Variants in RBFOX3 observed in about 807,000 individuals in gnomAD.
The protein encoded by RBFOX3 is RNA binding protein fox-1 homolog 3.
A neutral mutation model predicts 48.7 loss-of-function variants in RBFOX3; 17 were observed. The observed-to-expected ratio is 0.35, with a 90% CI of 0.24 to 0.52. The LOEUF is 0.52. RBFOX3 is among the 20% of genes least tolerant of loss of function. RBFOX3 has a pLI of 0.94. For missense variants in RBFOX3, 382 were observed against 497.5 expected, an observed-to-expected ratio of 0.77 and a Z score of 2.21; for synonymous variants, 212 against 209.5, an observed-to-expected ratio of 1.01 and a Z score of -0.10.
At chr17:79,305,583 G>T (rs2075984732) in intron 3 of RBFOX3, among the ~76,000 whole-genome samples, 1 of 152,058 alleles carries the variant, frequency 6.6e-6, no homozygotes, top group Non-Finnish European at 1.5e-5. Flanking sequence ...CCTGAACAGG[G>T]GAGAAAGACT....
At chr17:79,625,428 A>G in the RBFOX3 span, among the ~76,000 whole-genome samples, 1 of 152,152 alleles carries the variant, frequency 6.6e-6, no homozygotes, top group African/African-American at 2.4e-5. Flanking sequence ...ATTTATCTCC[A>G]GGTTAGGGGT....
At chr17:79,432,678 T>C (rs1241610960) in intron 2 of RBFOX3, among the ~76,000 whole-genome samples, 1 of 152,094 alleles carries the variant, frequency 6.6e-6, no homozygotes, top group Non-Finnish European at 1.5e-5. Context: ...AACGGGTTCA[T>C]TTACTGATGA....
Position 79,479,416 on chromosome 17 carries a change from G to A in RBFOX3, c.-175+3038C>T, listed in dbSNP as rs1175661371. On this transcript the variant is annotated intron_variant, in intron 2 of 14. Transcript: ENST00000693108. The surrounding 1 kb of genome is among the most constrained non-coding windows in gnomAD (Gnocchi z 5.1). ...GACAGGCAGAGATTCAAAGCCACAC[G>A]CAGGCCTCAGACTGCATTGCTCCTT... Among the ~76,000 whole-genome samples, 2 of 152,160 alleles carry A rather than the reference G, an allele frequency of 1.3e-5. No individual in the cohort carries two copies. Among genetic ancestry groups the A allele is most frequent in the Non-Finnish European group, 2.9e-5 (2 of 68,020 alleles).
chr17:79,174,834 C>T (rs2050186477), intron 4 of RBFOX3, among the ~76,000 whole-genome samples: 1 of 152,256 alleles, frequency 6.6e-6, no homozygotes, highest in Admixed American at 6.5e-5. Flanking sequence ...AGACTGAGGC[C>T]TAGGAGTAGG....
At chr17:79,222,893 T>G (rs28715154) in intron 4 of RBFOX3, among the ~76,000 whole-genome samples, 13,606 of 152,202 alleles carry the variant, frequency 0.089, 792 homozygotes, top group African/African-American at 0.13. Flanking sequence ...AAAGAAGCAG[T>G]TTCCTCTGTA....
intron 1 of RBFOX3, among the ~76,000 whole-genome samples, chr17:79,526,349 GT>G (rs1318435481): frequency 6.6e-5 from 10 of 152,240 alleles, no homozygotes; most frequent in Admixed American, 1.3e-4. Flanking sequence ...GGGACCAGGC[GT>G]TGAGCCAAGT....
intron 4 of RBFOX3, among the ~76,000 whole-genome samples, chr17:79,187,388 C>T (rs1295803191): frequency 2.0e-5 from 3 of 152,230 alleles, no homozygotes; most frequent in Non-Finnish European, 4.4e-5. Flanking sequence ...AGCAGCGCTC[C>T]CAGGACAAGG....
At chr17:79,218,497 G>C (rs753161244) in intron 4 of RBFOX3, among the ~76,000 whole-genome samples, 1 of 152,204 alleles carries the variant, frequency 6.6e-6, no homozygotes, top group Non-Finnish European at 1.5e-5. Flanking sequence ...GGGCTTGGCC[G>C]AGCGTGGCTG....
chr17:79,157,580 G>A (rs2046103456), intron 4 of RBFOX3, among the ~76,000 whole-genome samples: 1 of 152,176 alleles, frequency 6.6e-6, no homozygotes, highest in African/African-American at 2.4e-5. Flanking sequence ...GGTTGTACAG[G>A]GGCCGGGTTT....
intron 2 of RBFOX3, among the ~76,000 whole-genome samples, chr17:79,478,953 C>G (rs957493621): frequency 1.8e-4 from 28 of 152,170 alleles, no homozygotes; most frequent in African/African-American, 6.8e-4. Flanking sequence ...GAGGCAATGT[C>G]CTAGGAGGAA....
intron 3 of RBFOX3, among the ~76,000 whole-genome samples, chr17:79,298,928 T>C (rs1461118496): frequency 6.6e-6 from 1 of 152,196 alleles, no homozygotes; most frequent in Admixed American, 6.5e-5. Flanking sequence ...GCAAACAGAC[T>C]GTGCTGGTGG....
intron 2 of RBFOX3, among the ~76,000 whole-genome samples, chr17:79,466,718 C>T (rs565723205): frequency 4.1e-4 from 62 of 152,330 alleles, no homozygotes; most frequent in Non-Finnish European, 6.8e-4. Flanking sequence ...TTCTCCCGGG[C>T]GGCAGGCGCC....
At chr17:79,555,044 G>A (rs1267318491) in intron 1 of RBFOX3, among the ~76,000 whole-genome samples, 1 of 152,224 alleles carries the variant, frequency 6.6e-6, no homozygotes, top group Non-Finnish European at 1.5e-5. Context: ...ACACAGGCTT[G>A]AGTGTCAGGC....
intron 2 of RBFOX3, among the ~76,000 whole-genome samples, chr17:79,424,805 G>T (rs1181658130): frequency 6.6e-6 from 1 of 152,122 alleles, no homozygotes; most frequent in African/African-American, 2.4e-5. Context: ...CTGCCTGGAC[G>T]GATGCTGGTG....
chr17:79,501,011 G>A (rs2082307538), intron 1 of RBFOX3, among the ~76,000 whole-genome samples: 1 of 152,198 alleles, frequency 6.6e-6, no homozygotes, highest in African/African-American at 2.4e-5. Flanking sequence ...GGGGAGATTA[G>A]GGCTTCCGTG....
intron 1 of RBFOX3, among the ~76,000 whole-genome samples, chr17:79,607,033 G>A (rs2093847612): frequency 6.6e-6 from 1 of 152,192 alleles, no homozygotes. Context: ...AATGTTTCAT[G>A]AGCCTGTGAA....
At chr17:79,580,621 G>A (rs1487148006) in intron 1 of RBFOX3, among the ~76,000 whole-genome samples, 3 of 152,080 alleles carry the variant, frequency 2.0e-5, no homozygotes, top group African/African-American at 4.8e-5. Flanking sequence ...CTGCCAAGTC[G>A]CAGACACTCT....
At chr17:79,583,202 C>A (rs2093135143) in intron 1 of RBFOX3, among the ~76,000 whole-genome samples, 1 of 152,220 alleles carries the variant, frequency 6.6e-6, no homozygotes, top group Non-Finnish European at 1.5e-5. Flanking sequence ...CCTGGCCTCC[C>A]CAAGCCTCAG....
Position 79,319,931 on chromosome 17 carries a change from T to C in RBFOX3, c.-174-12107A>G, listed in dbSNP as rs1280015544. On this transcript the variant is annotated intron_variant, in intron 2 of 14. Transcript: ENST00000693108. Reference sequence around the variant, plus strand: ...TATGTCTGGGCTGCTGGTCTATGTCTGGGCTGTTGGTCTTGTCCAGGCTGC... The same window carrying C: ...TATGTCTGGGCTGCTGGTCTATGTCCGGGCTGTTGGTCTTGTCCAGGCTGC... Among the ~76,000 whole-genome samples, 23 of 132,252 alleles carry C rather than the reference T, an allele frequency of 1.7e-4. 2 individuals carry two copies. Among genetic ancestry groups the C allele is most frequent in the African/African-American group, 5.6e-4 (18 of 31,948 alleles). 86.8% of individuals were successfully genotyped at this position (132,252 alleles called of 152,430 possible).
Sources: allele counts gnomAD v4.1 joint callset (sites outside exome capture counted in the v4.1 genomes callset), GRCh38; gene constraint gnomAD v4.1.1; non-coding constraint Gnocchi (gnomAD v3.1); transcripts MANE v1.5; gene names NCBI Gene and HGNC (gene_info 2026-07-23, HGNC 2026-07-21).